Variants in MUC4 observed in about 807,000 individuals in gnomAD.
The protein encoded by MUC4 is mucin 4, cell surface associated.
In MUC4, 202 loss-of-function variants were observed where a neutral mutation model predicts 257.9. That is an observed-to-expected ratio of 0.78 (90% CI 0.70 to 0.88). MUC4 has a LOEUF of 0.88. Ranked by LOEUF, MUC4 falls within the 40% of genes least tolerant of loss-of-function variation. The pLI is 0.00. For missense variants in MUC4, 5,976 were observed against 6,513.7 expected, an observed-to-expected ratio of 0.92 and a Z score of 2.84; for synonymous variants, 2,351 against 2,757.1, an observed-to-expected ratio of 0.85 and a Z score of 4.62.
In MUC4 at chr3:195,791,349, G is replaced by C. The variant is rs763966710; in HGVS notation, c.231C>G (p.His77Gln). 4.3e-6 allele frequency: 7 copies of C among 1,613,826 alleles called. No homozygotes were observed. Among genetic ancestry groups the C allele is most frequent in the Admixed American group, 1.7e-5 (1 of 59,998 alleles). ...NQDISASSQN[H>Q]QTKSTETTSK... ...TGGTGGTCTCCGTGCTCTTAGTCTG[G>C]TGGTTCTGAGATGAAGCTGATATGT... The change falls in exon 2 of 25, where the codon CAC (histidine) becomes CAG (glutamine). Residue 77 changes from histidine (H) to glutamine (Q), a missense_variant. Around this residue, in one of 44 missense-constraint regions of MUC4, gnomAD observed 1,583 missense variants for 1,257.4 expected, o/e 1.26. Coordinates refer to ENST00000463781, the MANE Select transcript of MUC4 (RefSeq NM_018406.7).
rs151202432 is a variant in MUC4 at position 195,754,298 on chromosome 3, C to A, written c.15243G>T (p.Pro5081=). ...CEGSEDACEE[P]CFPSVHCVPG... The stretch of plus-strand genomic sequence containing the variant: ...GAACGCAGTGGACACTCGGGAAGCA[C>A]GGCTCCTCACAGGCATCCTCGGAGC... The change falls in exon 19 of 25, where the codon CCG becomes CCT. Residue 5081 remains proline (P), a synonymous_variant. Coordinates refer to ENST00000463781, the MANE Select transcript of MUC4 (RefSeq NM_018406.7). The A allele has an allele frequency of 1.9e-6, 3 of 1,613,778 alleles. No homozygotes were observed. Among genetic ancestry groups the A allele is most frequent in the Non-Finnish European group, 2.5e-6 (3 of 1,179,994 alleles).
chr3:195,778,451 C>T lies in MUC4; in HGVS notation c.12795G>A (p.Met4265Ile). 1 of 1,612,108 alleles carries T rather than the reference C, an allele frequency of 6.2e-7. No individual in the cohort carries two copies. Among genetic ancestry groups the T allele is most frequent in the Non-Finnish European group, 8.5e-7 (1 of 1,179,614 alleles). ...CGTCTGTCTTCAGTGACGGTGTTGT[C>T]ATTCCTGGACACGTGAAAAGACAAG... Reference protein sequence around the residue: ...DSPLKMETPGMTTPSLKTDGG... With the variant: ...DSPLKMETPGITTPSLKTDGG... Residue 4265 changes from methionine to isoleucine, a missense_variant, in exon 3 of 25, where the codon ATG becomes ATA. Physicochemically the swap from Met to Ile is conservative, Grantham distance 10. Transcript: ENST00000463781.
Position 195,782,792 on chromosome 3 carries a change from G to T in MUC4, c.8788C>A (p.Pro2930Thr). 2 of 1,517,786 alleles carry T rather than the reference G, an allele frequency of 1.3e-6. No individual in the cohort carries two copies. The highest frequency in any genetic ancestry group is 8.9e-7 in the Non-Finnish European group (1 of 1,128,028). 94.0% of individuals were successfully genotyped at this position (1,517,786 alleles called of 1,614,324 possible). Residue 2930 changes from proline (P) to threonine (T), a missense_variant, in exon 2 of 25, where the codon CCT becomes ACT. This residue lies in a region of MUC4 where 228 missense variants were observed against 206.3 expected (regional missense o/e 1.11). Transcript: ENST00000463781. ...SASTGQATPL[P>T]VTSLSSVSTG... ...GATACTGAGGAAAGGCTGGTGACAG[G>T]AAGAGGGGTGGCCTGACCTGTGGAT... is the stretch of plus-strand genomic sequence containing the variant.
intron 21 of MUC4, chr3:195,752,160 C>A: frequency 1.7e-6 from 1 of 574,400 alleles, no homozygotes; most frequent in Non-Finnish European, 3.1e-6. Flanking sequence ...TGACTTGGCA[C>A]CCTGGCCTCT....
intron 7 of MUC4, among the ~76,000 whole-genome samples, chr3:195,767,778 T>TCACCCCCAACAC (rs1721572658): frequency 3.8e-5 from 2 of 52,726 alleles, no homozygotes; most frequent in East Asian, 2.4e-3. Flanking sequence ...ACCACCACCA[T>TCACCCCCAACAC]CACCACCATC....
At position 195,763,477 on chromosome 3, in the gene MUC4, C is replaced by A; in HGVS notation, c.14209G>T (p.Ala4737Ser). The change falls in exon 12 of 25, where the codon GCC (alanine) becomes TCC (serine). Residue 4737 changes from alanine to serine, a missense_variant. Coordinates refer to ENST00000463781, the MANE Select transcript of MUC4 (RefSeq NM_018406.7). ...CTGGAGCGGTACTGAGCCGCAAAGGCGATGAAGTTGGTGGCCTGGGCTGAG... is the reference window on the plus strand; with the variant it reads ...CTGGAGCGGTACTGAGCCGCAAAGGAGATGAAGTTGGTGGCCTGGGCTGAG... ...TGSAQATNFI[A>S]FAAQYRSSSL... 1 of 1,503,924 alleles carries A rather than the reference C, an allele frequency of 6.6e-7. No individual in the cohort carries two copies. Among genetic ancestry groups the A allele is most frequent in the Non-Finnish European group, 8.9e-7 (1 of 1,119,486 alleles). The allele number at this position is 1,503,924 out of a possible 1,614,324, so 93.2% of individuals were successfully genotyped here.
intron 7 of MUC4, among the ~76,000 whole-genome samples, chr3:195,767,529 C>CACCATCACCACCATCATT (rs1560261280): frequency 1.0e-4 from 7 of 67,810 alleles, no homozygotes; most frequent in African/African-American, 3.9e-4. Context: ...CCACCACCAT[C>CACCATCACCACCATCATT]GCCACCACCA....
At chr3:195,778,261 A>C (rs767479729) in intron 3 of MUC4, 42 bp downstream of exon 3, 3 of 1,545,162 alleles carry the variant, frequency 1.9e-6, no homozygotes, top group Non-Finnish European at 2.6e-6. Context: ...CTTCAGTTAC[A>C]TCACCCCTCA....
chr3:195,754,045 T>A, intron 19 of MUC4, 168 bp downstream of exon 19: 1 of 911,642 alleles, frequency 1.1e-6, no homozygotes, highest in Non-Finnish European at 1.6e-6. Context: ...TTCCCATACC[T>A]GCCTAGATGA....
chr3:195,763,743 G>T, intron 11 of MUC4, 102 bp from the exon 12 acceptor site: 1 of 1,224,144 alleles, frequency 8.2e-7, no homozygotes, highest in Non-Finnish European at 1.1e-6. Flanking sequence ...AGGACTCAGG[G>T]TGAGGTTCCT....
chr3:195,764,350 C>G (rs546630239), intron 10 of MUC4, among the ~76,000 whole-genome samples, 186 bp from the exon 11 acceptor site: 1 of 151,066 alleles, frequency 6.6e-6, no homozygotes, highest in East Asian at 1.9e-4. Context: ...TAGGGCAGGG[C>G]GGTGTTGGTG....
At position 195,759,188 on chromosome 3, in the gene MUC4, G is replaced by A. The variant is rs1718275319; in HGVS notation, c.14922C>T (p.Tyr4974=). Reference sequence around the variant, plus strand: ...AGTTGGCATCCTCAGCATTGCTGGTGTACTGAATCAGCGTGGTCTGCCCCT... The same window carrying A: ...AGTTGGCATCCTCAGCATTGCTGGTATACTGAATCAGCGTGGTCTGCCCCT... The part of the protein sequence containing the change: ...AYKGQTTLIQ[Y]TSNAEDANFT... Residue 4974 remains tyrosine (Y), a synonymous_variant, in exon 17 of 25, where the codon TAC becomes TAT. Transcript: ENST00000463781. The A allele has an allele frequency of 6.2e-7, 1 of 1,614,122 alleles. No individual in the cohort carries two copies.
At position 195,790,204 on chromosome 3, in the gene MUC4, G is replaced by A. The variant is rs1460853871; in HGVS notation, c.1376C>T (p.Ala459Val). The A allele has an allele frequency of 1.2e-6, 2 of 1,614,020 alleles. No homozygotes were observed. The highest frequency in any genetic ancestry group is 1.7e-6 in the Non-Finnish European group (2 of 1,179,884). Residue 459 changes from alanine (A) to valine (V), a missense_variant, in exon 2 of 25, where the codon GCA becomes GTA. Physicochemically the swap from Ala to Val is moderately conservative, Grantham distance 64. Transcript: ENST00000463781. Reference sequence around the variant, plus strand: ...CTCATGAGGCCGTCCTGTGGTCTCTGCACCTTCACTCTGCTGGGTGTGGAA... The same window carrying A: ...CTCATGAGGCCGTCCTGTGGTCTCTACACCTTCACTCTGCTGGGTGTGGAA... ...TAFHTQQSEG[A>V]ETTGRPHERS...
At position 195,786,259 on chromosome 3, in the gene MUC4, G is replaced by T; in HGVS notation, c.5321C>A (p.Ala1774Asp). The T allele has an allele frequency of 6.8e-7, 1 of 1,480,604 alleles. No individual in the cohort carries two copies. The highest frequency in any genetic ancestry group is 9.1e-7 in the Non-Finnish European group (1 of 1,096,182). The allele number at this position is 1,480,604 out of a possible 1,614,324, so 91.7% of individuals were successfully genotyped here. A position where few individuals can be genotyped will look rare whatever the true frequency, so the allele number is the denominator to read the frequency against. Residue 1774 changes from alanine to aspartate, a missense_variant, in exon 2 of 25, where the codon GCC becomes GAC. By Grantham distance (126) the Ala-to-Asp change is moderately radical. Around this residue, in one of 44 missense-constraint regions of MUC4, gnomAD observed 19 missense variants for 31.6 expected, o/e 0.60. Transcript: ENST00000463781. ...AAGGCCGGTGACAGGAAGTGGGGTG[G>T]CGTGAGCTGTGGATACTGAGGAAGT... ...TDTSSVSTAH[A>D]TPLPVTGLSS...
In MUC4 at chr3:195,763,534, A is replaced by G; in HGVS notation, c.14152T>C (p.Phe4718Leu). 1 of 1,583,364 alleles carries G rather than the reference A, an allele frequency of 6.3e-7. No individual in the cohort carries two copies. The change falls in exon 12 of 25, where the codon TTC becomes CTC. Residue 4718 changes from phenylalanine (F) to leucine (L), a missense_variant. By Grantham distance (22) the Phe-to-Leu change is conservative. This residue lies in a region of MUC4 where 996 missense variants were observed against 1,137.3 expected (regional missense o/e 0.88). Transcript: ENST00000463781. ...LVGAQDGNSS[F>L]LLQGRTAQTG... ...TGGGCGGTGCGGCCCTGAAGCAGGA[A>G]GGAGGAGTTCCCGTCTTGGGCCCCG...
intron 5 of MUC4, chr3:195,770,572 G>A: frequency 1.6e-6 from 1 of 618,574 alleles, no homozygotes; most frequent in Non-Finnish European, 2.8e-6. Flanking sequence ...CCTGCAGTGT[G>A]CAGAATGCAG....
Position 195,748,894 on chromosome 3 carries a change from C to A in MUC4, c.16034+8G>T, listed in dbSNP as rs756876413. ...TGTCCTCCACCTCCTGGCCACAGCC[C>A]TATGCACCTGCAGCGGGGCCCACTG... On this transcript the variant is annotated splice_region_variant and intron_variant, in intron 24 of 24. Coordinates refer to ENST00000463781, the MANE Select transcript of MUC4 (RefSeq NM_018406.7). The A allele has an allele frequency of 1.9e-6, 3 of 1,573,502 alleles. No individual in the cohort carries two copies. The highest frequency in any genetic ancestry group is 2.3e-5 in the South Asian group (2 of 85,252).
chr3:195,763,048 C>T (rs1360528447), intron 12 of MUC4, 103 bp from the exon 13 acceptor site: 7 of 1,023,972 alleles, frequency 6.8e-6, no homozygotes, highest in African/African-American at 4.9e-5. Flanking sequence ...CGCCCTGGGC[C>T]GGGAGGAAGG....
intron 1 of MUC4, among the ~76,000 whole-genome samples, chr3:195,806,479 G>C (rs1170931495): frequency 6.6e-6 from 1 of 152,248 alleles, no homozygotes; most frequent in Admixed American, 6.5e-5. Flanking sequence ...TTTGATGTCT[G>C]TCTGCACCAA....
Sources: gnomAD v4.1 joint callset for allele counts (sites outside exome capture counted in the v4.1 genomes callset) on GRCh38, gnomAD v4.1.1 for gene constraint, gnomAD v4.1.1 regional missense constraint, MANE v1.5 for transcripts, NCBI Gene and HGNC (gene_info 2026-07-23, HGNC 2026-07-21) for gene names.